The following AUH variants were observed in gnomAD, a reference collection of about 807,000 sequenced individuals.
The protein encoded by AUH is AU RNA binding methylglutaconyl-CoA hydratase.
A neutral mutation model predicts 42.3 loss-of-function variants in AUH; 29 were observed. The observed-to-expected ratio is 0.69, with a 90% confidence interval of 0.51 to 0.93. The LOEUF (loss-of-function observed/expected upper bound fraction) is 0.93, where lower values mean the gene tolerates loss of function less well. AUH is among the 40% of genes least tolerant of loss of function. The pLI is 0.00. For missense variants in AUH, 452 were observed against 438.1 expected (o/e 1.03, Z -0.28); for synonymous variants, 174 against 166.4 (o/e 1.05, Z -0.35).
At chr9:91,310,213 C>G (rs1828594480) in intron 4 of AUH, among the ~76,000 whole-genome samples, 1 of 152,202 alleles carries the variant, frequency 6.6e-6, no homozygotes, top group Non-Finnish European at 1.5e-5. Flanking sequence ...CTATCATTCT[C>G]AGTCATGTCC....
At chr9:91,266,123 G>A (rs904971150) in intron 6 of AUH, among the ~76,000 whole-genome samples, 3 of 152,124 alleles carry the variant, frequency 2.0e-5, no homozygotes, top group Non-Finnish European at 4.4e-5. Flanking sequence ...AGCACTTTGG[G>A]AGGCTGAGGC....
At chr9:91,346,202 A>G (rs544520652) in intron 3 of AUH, among the ~76,000 whole-genome samples, 2 of 152,198 alleles carry the variant, frequency 1.3e-5, no homozygotes, top group Admixed American at 1.3e-4. Context: ...GTCACCAGAA[A>G]TATCAAGCCA....
intron 6 of AUH, among the ~76,000 whole-genome samples, chr9:91,228,189 C>A (rs1827634979): frequency 6.6e-6 from 1 of 151,994 alleles, no homozygotes; most frequent in South Asian, 2.1e-4. Context: ...GTCCTGGACT[C>A]TTTTTGGTTG....
chr9:91,339,525 A>G (rs1830945521), intron 3 of AUH, among the ~76,000 whole-genome samples: 1 of 152,062 alleles, frequency 6.6e-6, no homozygotes, highest in Non-Finnish European at 1.5e-5. Flanking sequence ...AACAATATAA[A>G]CTCATGGTTT....
chr9:91,233,331 T>C (rs1010104539), intron 6 of AUH, among the ~76,000 whole-genome samples: 1 of 152,090 alleles, frequency 6.6e-6, no homozygotes. Flanking sequence ...TTTGTGGGAA[T>C]TGCAACTGAT....
In AUH at chr9:91,361,865, G is replaced by T; in HGVS notation, c.25C>A (p.Pro9Thr). The change falls in exon 1 of 10, where the codon CCT becomes ACT. Residue 9 changes from proline (P) to threonine (T), a missense_variant. By Grantham distance (38) the Pro-to-Thr change is conservative (BLOSUM62 -1). Transcript: ENST00000375731. MAAAVAAA[P>T]GALGSLHAGG... ...GCATGCAGGGATCCCAAGGCCCCAG[G>T]TGCCGCCGCCACCGCGGCCGCCATG... 1 of 1,474,044 alleles carries T rather than the reference G, an allele frequency of 6.8e-7. No homozygotes were observed. Among genetic ancestry groups the T allele is most frequent in the Non-Finnish European group, 8.9e-7 (1 of 1,118,952 alleles). 91.3% of individuals were successfully genotyped at this position (1,474,044 alleles called of 1,614,324 possible).
chr9:91,265,664 C>T (rs868146194), intron 6 of AUH, among the ~76,000 whole-genome samples: 1 of 152,102 alleles, frequency 6.6e-6, no homozygotes, highest in Admixed American at 6.5e-5. Context: ...GTCTGACTAT[C>T]GAGCAGTAGA....
At chr9:91,314,710 A>G (rs372190018) in intron 4 of AUH, among the ~76,000 whole-genome samples, 1 of 152,012 alleles carries the variant, frequency 6.6e-6, no homozygotes, top group East Asian at 1.9e-4. Context: ...ATCTCCCTCA[A>G]TAGCCGCCAT....
chr9:91,334,580 G>A (rs1803659554), intron 3 of AUH, among the ~76,000 whole-genome samples: 1 of 112,302 alleles, frequency 8.9e-6, no homozygotes, highest in African/African-American at 3.5e-5. Context: ...TGTAGACTGT[G>A]GGACATTTCA....
At chr9:91,221,317 C>T (rs902662534) in intron 6 of AUH, among the ~76,000 whole-genome samples, 1 of 152,182 alleles carries the variant, frequency 6.6e-6, no homozygotes, top group Non-Finnish European at 1.5e-5. Flanking sequence ...AGTGGATAGG[C>T]AGTACCAGCC....
chr9:91,335,575 C>G (rs1170204868), intron 3 of AUH, among the ~76,000 whole-genome samples: 2 of 151,998 alleles, frequency 1.3e-5, no homozygotes, highest in Non-Finnish European at 2.9e-5. Flanking sequence ...TTTCATCTAC[C>G]CTATTTGGGT....
intron 6 of AUH, among the ~76,000 whole-genome samples, chr9:91,279,733 T>TGC (rs1275089777): frequency 1.3e-5 from 2 of 152,146 alleles, no homozygotes; most frequent in Non-Finnish European, 2.9e-5. Context: ...CCTCCAACAC[T>TGC]GCGGGTCACA....
At chr9:91,290,842 C>T (rs1435364365) in intron 6 of AUH, among the ~76,000 whole-genome samples, 1 of 152,136 alleles carries the variant, frequency 6.6e-6, no homozygotes, top group African/African-American at 2.4e-5. Context: ...TTGCTCCCTC[C>T]CCAAATTTCT....
chr9:91,249,090 A>C (rs1048735425), intron 6 of AUH, among the ~76,000 whole-genome samples: 1 of 152,070 alleles, frequency 6.6e-6, no homozygotes, highest in African/African-American at 2.4e-5. Context: ...TGAGCCCAGG[A>C]GTTCGAGACA....
intron 6 of AUH, among the ~76,000 whole-genome samples, chr9:91,252,030 G>A (rs546829727): frequency 2.0e-5 from 3 of 152,040 alleles, no homozygotes; most frequent in Admixed American, 6.5e-5. Context: ...GCAGTGGCAC[G>A]ATCTCGGCTC....
chr9:91,246,021 G>T (rs140807881), intron 6 of AUH, among the ~76,000 whole-genome samples: 154 of 152,300 alleles, frequency 1.0e-3, no homozygotes, highest in Non-Finnish European at 8.4e-4. Context: ...TAAGCAAAGG[G>T]TGTGTCTCAC....
At chr9:91,239,779 CAG>C (rs1477670950) in intron 6 of AUH, among the ~76,000 whole-genome samples, 1 of 152,106 alleles carries the variant, frequency 6.6e-6, no homozygotes, top group Non-Finnish European at 1.5e-5. Context: ...ACGCACAAGA[CAG>C]AGGGCTATGT....
At chr9:91,336,218 T>A (rs1339988503) in intron 3 of AUH, among the ~76,000 whole-genome samples, 1 of 151,824 alleles carries the variant, frequency 6.6e-6, no homozygotes, top group Non-Finnish European at 1.5e-5. Context: ...TATATGTATA[T>A]ACACACACAT....
intron 3 of AUH, among the ~76,000 whole-genome samples, chr9:91,333,743 G>C (rs761297027): frequency 1.3e-5 from 2 of 152,138 alleles, no homozygotes; most frequent in Non-Finnish European, 2.9e-5. Flanking sequence ...TCGTAATCAA[G>C]AAACATCTAA....
Sources: gnomAD v4.1 joint callset for allele counts (sites outside exome capture counted in the v4.1 genomes callset) on GRCh38, gnomAD v4.1.1 for gene constraint, MANE v1.5 for transcripts, NCBI Gene and HGNC (gene_info 2026-07-23, HGNC 2026-07-21) for gene names.